Variants in SCN2A observed in about 807,000 individuals in gnomAD.
The protein encoded by SCN2A is sodium channel protein type 2 subunit alpha.
Under a neutral mutation model 188.7 loss-of-function variants are expected in SCN2A, and 20 were observed. That is an observed-to-expected ratio of 0.11 (90% CI 0.07 to 0.15). SCN2A has a LOEUF of 0.15. SCN2A is among the 10% of genes least tolerant of loss of function. The pLI, the probability that SCN2A is intolerant of heterozygous loss-of-function variation, is 1.00. For synonymous variants in SCN2A, 804 were observed against 833.1 expected, an observed-to-expected ratio of 0.97 and a Z score of 0.60; for missense variants, 1,278 against 2,445.0, an observed-to-expected ratio of 0.52 and a Z score of 10.07.
At chr2:165,306,504 TTGTGTGTGTGTGTG>T (rs10524719) in intron 3 of SCN2A, among the ~76,000 whole-genome samples, 30,880 of 147,170 alleles carry the variant, frequency 0.21, 3,553 homozygotes, top group Non-Finnish European at 0.26. Context: ...AAATGGTATT[TTGTGTGTGTGTGTG>T]TGTGTGTGTG....
At chr2:165,382,340 A>G (rs1328009277) in intron 25 of SCN2A, among the ~76,000 whole-genome samples, 1 of 152,088 alleles carries the variant, frequency 6.6e-6, no homozygotes, top group African/African-American at 2.4e-5. Flanking sequence ...AAGATTTTAG[A>G]GAGTTTAACC....
intron 17 of SCN2A, among the ~76,000 whole-genome samples, chr2:165,364,407 T>G (rs955100953): frequency 6.6e-6 from 1 of 152,210 alleles, no homozygotes; most frequent in Non-Finnish European, 1.5e-5. Context: ...ATTTTTCTTT[T>G]GGTGATATTT....
chr2:165,256,013 T>TTTTTTC (rs1694305529), intron 1 of SCN2A, among the ~76,000 whole-genome samples: 1 of 142,738 alleles, frequency 7.0e-6, no homozygotes, highest in Non-Finnish European at 1.5e-5. Context: ...TTTTTTTTTT[T>TTTTTTC]TTTTTTTGGT....
Position 165,239,542 on chromosome 2 carries a change from TTCTACTCC to T in SCN2A, c.-149_-142del. ...GATAGAGCACATGTGAGATTTTACT[TTCTACTCC>T]AGTAAAAATTCTGAAGAATTGCATT... is the stretch of plus-strand genomic sequence containing the variant. On this transcript the variant is annotated 5_prime_UTR_variant, in exon 1 of 27. An upstream open reading frame in the 5' UTR loses its in-frame stop. Transcript: ENST00000375437. 1.3e-6 allele frequency: 1 copy of T among 742,962 alleles called. No homozygotes were observed. The highest frequency in any genetic ancestry group is 1.6e-6 in the Non-Finnish European group (1 of 608,800). 46.0% of individuals were successfully genotyped at this position (742,962 alleles called of 1,614,324 possible). A position where few individuals can be genotyped will look rare whatever the true frequency, so the allele number is the denominator to read the frequency against.
chr2:165,309,180 TG>T, intron 5 of SCN2A, 171 bp from the exon 6 acceptor site: 1 of 1,613,576 alleles, frequency 6.2e-7, no homozygotes, highest in East Asian at 2.2e-5. Flanking sequence ...TAACAGAATT[TG>T]TAAACCTAGG....
At chr2:165,302,993 G>C (rs1696906117) in intron 3 of SCN2A, among the ~76,000 whole-genome samples, 1 of 152,098 alleles carries the variant, frequency 6.6e-6, no homozygotes. Flanking sequence ...TTTGTCCCCT[G>C]ATATTATAAA....
intron 17 of SCN2A, among the ~76,000 whole-genome samples, chr2:165,355,098 C>T (rs906306972): frequency 9.9e-5 from 15 of 152,086 alleles, no homozygotes; most frequent in African/African-American, 3.4e-4. Flanking sequence ...TTACGAAATA[C>T]GTCATAAAAT....
chr2:165,273,123 T>A (rs1695177196), intron 1 of SCN2A: 1 of 152,180 alleles, frequency 6.6e-6, no homozygotes, highest in African/African-American at 2.4e-5. Flanking sequence ...ATAAACATTT[T>A]GGCAATTTTC....
chr2:165,381,254 G>A, intron 25 of SCN2A, 57 bp downstream of exon 25: 1 of 1,264,668 alleles, frequency 7.9e-7, no homozygotes, highest in Non-Finnish European at 1.1e-6. Context: ...CCGTTTCACA[G>A]CCCGAATTTC....
intron 17 of SCN2A, among the ~76,000 whole-genome samples, chr2:165,357,887 T>C (rs964388749): frequency 6.6e-6 from 1 of 152,168 alleles, no homozygotes; most frequent in African/African-American, 2.4e-5. Flanking sequence ...CATCTATAAA[T>C]ATAATCAGTT....
intron 1 of SCN2A, among the ~76,000 whole-genome samples, chr2:165,265,848 G>A (rs1694837447): frequency 6.8e-6 from 1 of 148,100 alleles, no homozygotes; most frequent in Non-Finnish European, 1.5e-5. Context: ...AATATATGGG[G>A]TCTAACTCTA....
intron 1 of SCN2A, among the ~76,000 whole-genome samples, chr2:165,265,391 C>G (rs1694795166): frequency 7.5e-6 from 1 of 133,190 alleles, no homozygotes; most frequent in African/African-American, 2.8e-5. Context: ...CTTATAGATG[C>G]TGGATATTAG....
At chr2:165,275,315 A>G (rs1695285849) in intron 1 of SCN2A, among the ~76,000 whole-genome samples, 1 of 152,110 alleles carries the variant, frequency 6.6e-6, no homozygotes, top group Non-Finnish European at 1.5e-5. Flanking sequence ...TGACCACCCT[A>G]TCTAAAATTG....
At chr2:165,255,381 C>G (rs1226221821) in intron 1 of SCN2A, among the ~76,000 whole-genome samples, 1 of 151,948 alleles carries the variant, frequency 6.6e-6, no homozygotes, top group Non-Finnish European at 1.5e-5. Context: ...TTTTTTCTTT[C>G]CCTTCCAACT....
intron 1 of SCN2A, among the ~76,000 whole-genome samples, chr2:165,288,656 G>C (rs1054359966): frequency 6.6e-6 from 1 of 151,762 alleles, no homozygotes; most frequent in Non-Finnish European, 1.5e-5. Context: ...GTTCAGAACT[G>C]TCTCCCCATT....
At chr2:165,350,683 G>A (rs1055999363) in intron 16 of SCN2A, among the ~76,000 whole-genome samples, 19 of 77,294 alleles carry the variant, frequency 2.5e-4, no homozygotes, top group African/African-American at 3.9e-4. Context: ...CGTTTTAGCC[G>A]GGATGGTCTC....
At position 165,303,270 on chromosome 2, in the gene SCN2A, G is replaced by GTTTTTGT. The variant is rs1696920705; in HGVS notation, c.387-4573_387-4572insGTTTTTT. On this transcript the variant is annotated intron_variant, in intron 3 of 26. Coordinates refer to ENST00000375437, the MANE Select transcript of SCN2A (RefSeq NM_001040142.2). Reference sequence around the variant, plus strand: ...TTGTATTTGAGTTTTTGTTATTTGAGTTTTTTTTTTTTTTTTTTTTTTTGA... The same window carrying GTTTTTGT: ...TTGTATTTGAGTTTTTGTTATTTGAGTTTTTGTTTTTTTTTTTTTTTTTTTTTTTTGA... Among the ~76,000 whole-genome samples the GTTTTTGT allele has an allele frequency of 3.3e-5, 3 of 91,314 alleles. No individual in the cohort carries two copies. The Admixed American group carries it at 4.5e-4, about 14-fold the overall frequency. 59.9% of individuals were successfully genotyped at this position (91,314 alleles called of 152,430 possible).
chr2:165,356,116 G>A (rs998029330), intron 17 of SCN2A, among the ~76,000 whole-genome samples: 5 of 152,124 alleles, frequency 3.3e-5, no homozygotes, highest in African/African-American at 1.2e-4. Flanking sequence ...TAGTATTGCT[G>A]TTAGTGATTA....
At chr2:165,303,452 A>T (rs915374335) in intron 3 of SCN2A, among the ~76,000 whole-genome samples, 8 of 151,174 alleles carry the variant, frequency 5.3e-5, no homozygotes, top group East Asian at 2.0e-4. Flanking sequence ...ATTTTTTGTA[A>T]TTTTAGTAGA....
Sources: gnomAD v4.1 joint callset for allele counts (sites outside exome capture counted in the v4.1 genomes callset) on GRCh38, gnomAD v4.1.1 for gene constraint, MANE v1.5 for transcripts, NCBI Gene and HGNC (gene_info 2026-07-23, HGNC 2026-07-21) for gene names.